The following RBM19 variants were observed in gnomAD, a reference collection of about 807,000 sequenced individuals.
RBM19 encodes probable RNA-binding protein 19.
RBM19 carries 94 observed loss-of-function variants against 116.8 expected under a neutral mutation model. That is an observed-to-expected ratio of 0.80 (90% CI 0.68 to 0.95). The LOEUF (loss-of-function observed/expected upper bound fraction) is 0.95, where lower values mean the gene tolerates loss of function less well. RBM19 is among the 40% of genes least tolerant of loss of function. The pLI, the probability that RBM19 is intolerant of heterozygous loss-of-function variation, is 0.00. For synonymous variants in RBM19, 475 were observed against 494.1 expected (o/e 0.96, Z 0.51); for missense variants, 1,161 against 1,220.7 (o/e 0.95, Z 0.73).
At chr12:113,958,532 T>C (rs1226090582) in intron 5 of RBM19, among the ~76,000 whole-genome samples, 2 of 152,132 alleles carry the variant, frequency 1.3e-5, no homozygotes, top group Non-Finnish European at 2.9e-5. Flanking sequence ...TGCGATGCTG[T>C]TCCCTTGACT....
chr12:113,940,127 C>T lies in RBM19; in HGVS notation c.1771G>A (p.Val591Ile), dbSNP rs766356753. 6.2e-7 allele frequency: 1 copy of T among 1,614,002 alleles called. No homozygotes were observed. The highest frequency in any genetic ancestry group is 2.2e-5 in the East Asian group (1 of 44,874). ...AGGGTGCCTGCCGGGAGGTTCTTGA[C>T]CAGAATCACAGTCTTGCTTCGCTCT... ...AAERSKTVILVKNLPAGTLAA... is the reference protein window; with the variant it reads ...AAERSKTVILIKNLPAGTLAA... The change falls in exon 15 of 24, where the codon GTC becomes ATC. Residue 591 changes from valine to isoleucine, a missense_variant. Coordinates refer to ENST00000261741, the MANE Select transcript of RBM19 (RefSeq NM_016196.4).
chr12:113,953,787 C>A (rs150751951), intron 7 of RBM19, among the ~76,000 whole-genome samples: 1 of 152,218 alleles, frequency 6.6e-6, no homozygotes, highest in Non-Finnish European at 1.5e-5. Flanking sequence ...CTATGGCCCA[C>A]GGGCCAAATA....
rs1413552600 is a variant in RBM19 at position 113,937,073 on chromosome 12, G to C, written c.2002C>G (p.Gln668Glu). The change falls in exon 16 of 24, where the codon CAG (glutamine) becomes GAG (glutamate). Residue 668 changes from glutamine (Q) to glutamate (E), a missense_variant. Physicochemically the swap from Gln to Glu is conservative, Grantham distance 29 (BLOSUM62 2). Coordinates refer to ENST00000261741, the MANE Select transcript of RBM19 (RefSeq NM_016196.4). Reference sequence around the variant, plus strand: ...GGTGTGTCTTGGAGCTTTTTCTTCTGTGGGGCTGTGCTGGAGAAGACGCCA... The same window carrying C: ...GGTGTGTCTTGGAGCTTTTTCTTCTCTGGGGCTGTGCTGGAGAAGACGCCA... ...PVGVFSSTAP[Q>E]KKKLQDTPSE... 13 of 1,613,958 alleles carry C rather than the reference G, an allele frequency of 8.1e-6. No homozygotes were observed. The highest frequency in any genetic ancestry group is 1.0e-5 in the Non-Finnish European group (12 of 1,179,988).
intron 21 of RBM19, among the ~76,000 whole-genome samples, chr12:113,890,768 A>G (rs943312867): frequency 7.2e-5 from 11 of 152,216 alleles, no homozygotes; most frequent in African/African-American, 2.7e-4. Context: ...TGTGCTCCCC[A>G]ATGCAAATGG....
chr12:113,935,960 C>CTG (rs1336414019), intron 16 of RBM19, among the ~76,000 whole-genome samples: 3 of 151,992 alleles, frequency 2.0e-5, no homozygotes, highest in African/African-American at 7.3e-5. Flanking sequence ...TGCTTCAACC[C>CTG]AGGAGGCAGA....
At chr12:113,936,281 A>G (rs1333134619) in intron 16 of RBM19, among the ~76,000 whole-genome samples, 4 of 152,212 alleles carry the variant, frequency 2.6e-5, no homozygotes, top group Non-Finnish European at 5.9e-5. Context: ...TAGAATGACC[A>G]TGGTCCTGTT....
At chr12:113,819,420 G>A (rs1158927056), downstream of RBM19, among the ~76,000 whole-genome samples, 1 of 152,096 alleles carries the variant, frequency 6.6e-6, no homozygotes, top group South Asian at 2.1e-4. Context: ...TGACCATATC[G>A]GCAGGGAAGG....
intron 21 of RBM19, among the ~76,000 whole-genome samples, chr12:113,866,255 T>G (rs144557081): frequency 2.6e-5 from 4 of 152,284 alleles, no homozygotes; most frequent in African/African-American, 7.2e-5. Flanking sequence ...CAACGCAATA[T>G]TCCCTTTCAT....
intron 18 of RBM19, 110 bp from the exon 19 acceptor site, chr12:113,920,800 T>A: frequency 1.1e-6 from 1 of 947,420 alleles, no homozygotes; most frequent in South Asian, 1.5e-5. Flanking sequence ...CTTCTTTTCA[T>A]ACCCCCTTCA....
chr12:113,891,100 G>A (rs1880933896), intron 21 of RBM19, among the ~76,000 whole-genome samples: 1 of 152,086 alleles, frequency 6.6e-6, no homozygotes, highest in Non-Finnish European at 1.5e-5. Flanking sequence ...ACCAGGCCTG[G>A]CCTTGATGGA....
chr12:113,921,696 C>G (rs532207863), intron 18 of RBM19, among the ~76,000 whole-genome samples: 18 of 152,314 alleles, frequency 1.2e-4, no homozygotes, highest in African/African-American at 4.1e-4. Flanking sequence ...TTTAAATGTT[C>G]GTTCTGCAAG....
intron 2 of RBM19, 82 bp from the exon 3 acceptor site, chr12:113,960,260 G>A (rs1184207894): frequency 1.3e-6 from 2 of 1,585,260 alleles, no homozygotes; most frequent in Non-Finnish European, 1.7e-6. Flanking sequence ...GGGAGCTCGG[G>A]CATTTCAGAC....
intron 15 of RBM19, 100 bp downstream of exon 15, chr12:113,939,860 T>C: frequency 7.6e-7 from 1 of 1,308,162 alleles, no homozygotes; most frequent in Non-Finnish European, 1.1e-6. Context: ...TGAGCTCCCA[T>C]GTGCCACATC....
chr12:113,959,929 A>G, intron 3 of RBM19, 26 bp from the exon 4 acceptor site: 1 of 1,614,122 alleles, frequency 6.2e-7, no homozygotes, highest in Non-Finnish European at 8.5e-7. Context: ...ACAGAGAGTG[A>G]GGGTCACACA....
chr12:113,920,153 C>T (rs1171129381), intron 19 of RBM19, among the ~76,000 whole-genome samples: 1 of 152,208 alleles, frequency 6.6e-6, no homozygotes, highest in African/African-American at 2.4e-5. Flanking sequence ...CTCTGTGCAG[C>T]TGACTTCTGG....
rs990557322 is a variant in RBM19, at chr12:113,940,087, T to C, written c.1811A>G (p.Gln604Arg). ...GCTGCCAAAATGGCCGAAGGTCTCC[T>C]GCAGCTGGGCCGCCAGGGTGCCTGC... ...LPAGTLAAQL[Q>R]ETFGHFGSLG... The change falls in exon 15 of 24, where the codon CAG becomes CGG. Residue 604 changes from glutamine to arginine, a missense_variant. Coordinates refer to ENST00000261741, the MANE Select transcript of RBM19 (RefSeq NM_016196.4). 5 of 1,614,092 alleles carry C rather than the reference T, an allele frequency of 3.1e-6. No individual in the cohort carries two copies. Among genetic ancestry groups the C allele is most frequent in the Non-Finnish European group, 4.2e-6 (5 of 1,179,964 alleles).
At chr12:113,959,938 C>A in intron 3 of RBM19, 35 bp from the exon 4 acceptor site, 1 of 1,614,070 alleles carries the variant, frequency 6.2e-7, no homozygotes, top group Non-Finnish European at 8.5e-7. Context: ...GAGGGTCACA[C>A]AGATGAAGAG....
chr12:113,823,745 C>T (rs1371988181), intron 23 of RBM19, among the ~76,000 whole-genome samples: 4 of 152,184 alleles, frequency 2.6e-5, no homozygotes, highest in Admixed American at 2.6e-4. Flanking sequence ...TCCTGTGCTG[C>T]TTCCTCACAG....
rs370815257 is a variant in RBM19, at chr12:113,835,475, C to T, written c.2785+9193G>A. On this transcript the variant is annotated intron_variant, in intron 23 of 23. Transcript: ENST00000261741. ...GGGGAGGGGCATGACAAGGGAATCA[C>T]GAAAAGGAGAGGTGTGGGGGAAAAG... Among the ~76,000 whole-genome samples the T allele has an allele frequency of 7.9e-5, 12 of 152,176 alleles. No homozygotes were observed. In the South Asian group the frequency reaches 1.5e-3, roughly 18 times the overall value.
Sources: gnomAD v4.1 joint callset for allele counts (sites outside exome capture counted in the v4.1 genomes callset) on GRCh38, gnomAD v4.1.1 for gene constraint, MANE v1.5 for transcripts, NCBI Gene and HGNC (gene_info 2026-07-23, HGNC 2026-07-21) for gene names.